Variants in GAS7 observed in about 807,000 individuals in gnomAD.
GAS7 encodes the protein growth arrest-specific protein 7.
GAS7 carries 28 observed loss-of-function variants against 71.1 expected under a neutral mutation model. That is an observed-to-expected ratio of 0.39 (90% CI 0.29 to 0.54). GAS7 has a LOEUF of 0.54. Among genes scored for constraint, GAS7 ranks in the 20% least tolerant of loss-of-function variants. GAS7 has a pLI of 0.62. For synonymous variants in GAS7, 258 were observed against 245.8 expected (o/e 1.05, Z -0.46); for missense variants, 436 against 627.8 (o/e 0.69, Z 3.27).
intron 1 of GAS7, among the ~76,000 whole-genome samples, chr17:10,084,809 G>T (rs1162357327): frequency 6.6e-6 from 1 of 152,110 alleles, no homozygotes; most frequent in Non-Finnish European, 1.5e-5. Flanking sequence ...TTTTTAAGGG[G>T]ATTCTCTCTC....
chr17:10,146,937 C>T (rs932886759), intron 1 of GAS7, among the ~76,000 whole-genome samples: 3 of 143,252 alleles, frequency 2.1e-5, no homozygotes, highest in East Asian at 4.7e-4. Flanking sequence ...GCTGAGATCG[C>T]GCCAGAGCGA....
At chr17:10,141,276 G>A (rs993225664) in intron 1 of GAS7, among the ~76,000 whole-genome samples, 1 of 152,154 alleles carries the variant, frequency 6.6e-6, no homozygotes, top group Non-Finnish European at 1.5e-5. Context: ...AGTGAAACCC[G>A]TCTCTACTAA....
chr17:10,174,636 G>A (rs2074359340), intron 1 of GAS7, among the ~76,000 whole-genome samples: 1 of 151,970 alleles, frequency 6.6e-6, no homozygotes. Flanking sequence ...AGCTTGCAGT[G>A]AGCTGAGATC....
Position 10,026,082 on chromosome 17 carries a change from C to T in GAS7, c.184-6185G>A. Reference sequence around the variant, plus strand: ...ACCATGCTTCAAGCTCAAGTTCAACCCGGATGCCACCTCCACCTCCGGGAC... The same window carrying T: ...ACCATGCTTCAAGCTCAAGTTCAACTCGGATGCCACCTCCACCTCCGGGAC... On this transcript the variant is annotated intron_variant, in intron 1 of 13. Coordinates refer to ENST00000432992, the MANE Select transcript of GAS7 (RefSeq NM_201433.2). This position sits in a 1 kb window ranked among gnomAD's most constrained non-coding sequence, Gnocchi z 4.5. 1 of 816,494 alleles carries T rather than the reference C, an allele frequency of 1.2e-6. No homozygotes were observed. Among genetic ancestry groups the T allele is most frequent in the Non-Finnish European group, 1.5e-6 (1 of 675,638 alleles). 50.6% of individuals were successfully genotyped at this position (816,494 alleles called of 1,614,324 possible).
At chr17:10,064,041 T>C (rs2073251305) in intron 1 of GAS7, among the ~76,000 whole-genome samples, 1 of 152,146 alleles carries the variant, frequency 6.6e-6, no homozygotes, top group African/African-American at 2.4e-5. Flanking sequence ...AGCTCGAACA[T>C]TAGTCACACA....
intron 13 of GAS7, 67 bp from the exon 14 acceptor site, chr17:9,917,408 G>C: frequency 8.8e-7 from 1 of 1,139,592 alleles, no homozygotes; most frequent in South Asian, 1.2e-5. Flanking sequence ...TCTCCTCTGA[G>C]ACATGCTGTC....
At chr17:10,147,084 T>C (rs1190450606) in intron 1 of GAS7, among the ~76,000 whole-genome samples, 1 of 152,216 alleles carries the variant, frequency 6.6e-6, no homozygotes, top group Non-Finnish European at 1.5e-5. Context: ...AAGTCAAGAA[T>C]TACAGTAAGC....
chr17:10,038,196 A>G (rs1450661973), intron 1 of GAS7, among the ~76,000 whole-genome samples: 2 of 152,118 alleles, frequency 1.3e-5, no homozygotes, highest in Non-Finnish European at 2.9e-5. Flanking sequence ...CGTCTCTACT[A>G]AAAATACAAA....
intron 1 of GAS7, among the ~76,000 whole-genome samples, chr17:10,078,545 T>C (rs946612449): frequency 6.6e-6 from 1 of 152,242 alleles, no homozygotes; most frequent in Admixed American, 6.5e-5. Flanking sequence ...AGCTCAGTTG[T>C]AATTTACACT....
At chr17:9,957,388 C>T (rs117470524) in intron 5 of GAS7, among the ~76,000 whole-genome samples, 2,982 of 152,268 alleles carry the variant, frequency 0.02, 63 homozygotes, top group Middle Eastern at 0.048. Flanking sequence ...CAACAAGGGC[C>T]GCCATCAGCC....
At chr17:9,927,936 T>A (rs573608352) in intron 9 of GAS7, among the ~76,000 whole-genome samples, 4 of 152,204 alleles carry the variant, frequency 2.6e-5, no homozygotes, top group African/African-American at 7.2e-5. Context: ...CCGCCCTGTA[T>A]CCCAGGGGCC....
intron 1 of GAS7, among the ~76,000 whole-genome samples, chr17:10,090,415 T>A (rs2073569646): frequency 1.3e-5 from 2 of 152,206 alleles, no homozygotes; most frequent in South Asian, 4.1e-4. Flanking sequence ...TCCTGATTTA[T>A]ACACAAAAGG....
intron 1 of GAS7, among the ~76,000 whole-genome samples, chr17:10,181,318 C>CCACT (rs2074414738): frequency 6.6e-6 from 1 of 151,218 alleles, no homozygotes; most frequent in African/African-American, 2.4e-5. Flanking sequence ...TGAGATTGAG[C>CCACT]CACTGCACTC....
intron 5 of GAS7, among the ~76,000 whole-genome samples, chr17:9,947,657 C>T (rs1217547636): frequency 6.6e-6 from 1 of 151,770 alleles, no homozygotes; most frequent in South Asian, 2.1e-4. Context: ...GGGAGGAGAA[C>T]CACTTGGACC....
chr17:9,939,030 T>A (rs1326667701), intron 8 of GAS7, among the ~76,000 whole-genome samples: 1 of 152,228 alleles, frequency 6.6e-6, no homozygotes, highest in African/African-American at 2.4e-5. Flanking sequence ...CATTTGTTTA[T>A]CCAGTCATCC....
At chr17:10,172,236 T>C (rs1047297466) in intron 1 of GAS7, among the ~76,000 whole-genome samples, 1 of 152,196 alleles carries the variant, frequency 6.6e-6, no homozygotes, top group African/African-American at 2.4e-5. Context: ...TGGCCTGCCA[T>C]GGCAGCCCTC....
intron 1 of GAS7, among the ~76,000 whole-genome samples, chr17:10,148,785 C>T (rs1345320833): frequency 4.6e-5 from 7 of 151,804 alleles, no homozygotes; most frequent in African/African-American, 1.7e-4. Flanking sequence ...TGGCGGGTGC[C>T]TGCAGTCCCA....
intron 1 of GAS7, among the ~76,000 whole-genome samples, chr17:10,111,834 T>G (rs1401401174): frequency 6.6e-6 from 1 of 152,170 alleles, no homozygotes; most frequent in South Asian, 2.1e-4. Context: ...CTGGATACCC[T>G]GATGAAGAAC....
rs143216178 is a variant in GAS7, at chr17:10,048,163, A to G, written c.184-28266T>C. Among the ~76,000 whole-genome samples the G allele has an allele frequency of 6.8e-3, 1,030 of 152,228 alleles. 14 individuals are homozygous for G. Among genetic ancestry groups the G allele is most frequent in the African/African-American group, 0.024 (989 of 41,540 alleles). ...CTAAAAATACAAAAATTAGCCAGGC[A>G]TGGTGGTGCGCACCTGTAATCCCAG... On this transcript the variant is annotated intron_variant, in intron 1 of 13. Transcript: ENST00000432992.
Sources: gnomAD v4.1 joint callset for allele counts (sites outside exome capture counted in the v4.1 genomes callset) on GRCh38, gnomAD v4.1.1 for gene constraint, Gnocchi (gnomAD v3.1) non-coding constraint, MANE v1.5 for transcripts, NCBI Gene and HGNC (gene_info 2026-07-23, HGNC 2026-07-21) for gene names.